SYT13: variants seen among roughly 807,000 people sequenced by gnomAD.
SYT13 encodes synaptotagmin-13.
SYT13 carries 21 observed loss-of-function variants against 38.6 expected under a neutral mutation model. That is an observed-to-expected ratio of 0.54 (90% CI 0.39 to 0.78). SYT13 has a LOEUF of 0.78. Among genes scored for constraint, SYT13 ranks in the 30% least tolerant of loss-of-function variants. The pLI, the probability that SYT13 is intolerant of heterozygous loss-of-function variation, is 0.00. For missense variants in SYT13, 495 were observed against 548.7 expected (o/e 0.90, Z 0.98); for synonymous variants, 241 against 237.6 (o/e 1.01, Z -0.13).
intron 1 of SYT13, among the ~76,000 whole-genome samples, chr11:45,278,664 A>G (rs1253900023): frequency 6.6e-6 from 1 of 152,200 alleles, no homozygotes; most frequent in African/African-American, 2.4e-5. Context: ...CATCAATTCC[A>G]TGAAGAGAAG....
At position 45,269,316 on chromosome 11, in the gene SYT13, T is replaced by C. The variant is rs943490474; in HGVS notation, c.184-13425A>G. 23 of 614,148 alleles carry C rather than the reference T, an allele frequency of 3.7e-5. No individual in the cohort carries two copies. The African/African-American group carries it at 4.7e-4, about 13-fold the overall frequency. 38.0% of individuals were successfully genotyped at this position (614,148 alleles called of 1,614,324 possible). ...TGGCGGAAACTAAATTTTAAAACAA[T>C]TATTAAAAAAACAAACAAAAAAACA... On this transcript the variant is annotated intron_variant, in intron 1 of 5. Transcript: ENST00000020926.
chr11:45,282,395 G>A (rs1855085031), intron 1 of SYT13, among the ~76,000 whole-genome samples: 1 of 152,216 alleles, frequency 6.6e-6, no homozygotes, highest in Admixed American at 6.5e-5. Context: ...ACAGCTGGAA[G>A]CATGAGAGGT....
rs556474039 is a variant in SYT13, at chr11:45,255,804, C to A, written c.271G>T (p.Ala91Ser). Residue 91 changes from alanine (A) to serine (S), a missense_variant, in exon 2 of 6, where the codon GCT becomes TCT. By Grantham distance (99) the Ala-to-Ser change is moderately conservative (BLOSUM62 1). Transcript: ENST00000020926. ...DIYGPRPAVT[A>S]PEVINYADYS... Reference sequence around the variant, plus strand: ...TCTGCATAGTTGATGACCTCTGGAGCCGTCACAGCTGGCCTGGGTCCATAG... The same window carrying A: ...TCTGCATAGTTGATGACCTCTGGAGACGTCACAGCTGGCCTGGGTCCATAG... The A allele has an allele frequency of 6.2e-7, 1 of 1,614,190 alleles. No individual in the cohort carries two copies. Among genetic ancestry groups the A allele is most frequent in the Admixed American group, 1.7e-5 (1 of 60,020 alleles).
chr11:45,265,463 A>T (rs965492845), intron 1 of SYT13, among the ~76,000 whole-genome samples: 25 of 152,332 alleles, frequency 1.6e-4, no homozygotes, highest in Non-Finnish European at 3.4e-4. Flanking sequence ...CAGTTTGGAT[A>T]GCTATAAAAC....
At chr11:45,249,759 C>T (rs926310338) in intron 4 of SYT13, among the ~76,000 whole-genome samples, 3 of 151,950 alleles carry the variant, frequency 2.0e-5, no homozygotes, top group Non-Finnish European at 4.4e-5. Flanking sequence ...GGGGTGGGGG[C>T]CTGGGGGAGG....
chr11:45,278,353 T>C (rs1035709934), intron 1 of SYT13, among the ~76,000 whole-genome samples: 9 of 152,178 alleles, frequency 5.9e-5, no homozygotes, highest in African/African-American at 2.2e-4. Flanking sequence ...AAAGGGACTG[T>C]CTCCACATAT....
Position 45,254,349 on chromosome 11 carries a change from A to G in SYT13, c.465T>C (p.Ser155=), listed in dbSNP as rs368557710. The change falls in exon 3 of 6, where the codon AGT becomes AGC. Residue 155 remains serine (S), a synonymous_variant. Transcript: ENST00000020926. The part of the protein sequence containing the change: ...METWNPEKAA[S]WNQAPKLHYC... Reference sequence around the variant, plus strand: ...AGTGGAGTTTGGGGGCCTGGTTCCAACTGGCAGCCTTCTCTGGGTTCCAGG... The same window carrying G: ...AGTGGAGTTTGGGGGCCTGGTTCCAGCTGGCAGCCTTCTCTGGGTTCCAGG... The G allele has an allele frequency of 3.7e-6, 6 of 1,613,644 alleles. No homozygotes were observed. The African/African-American group carries it at 6.7e-5, about 18-fold the overall frequency.
chr11:45,252,777 G>GGCA lies in SYT13; in HGVS notation c.545-58_545-56dup. The GGCA allele has an allele frequency of 6.6e-7, 1 of 1,510,620 alleles. No homozygotes were observed. The highest frequency in any genetic ancestry group is 2.3e-5 in the East Asian group (1 of 43,618). The allele number at this position is 1,510,620 out of a possible 1,614,324, so 93.6% of individuals were successfully genotyped here. A position where few individuals can be genotyped will look rare whatever the true frequency, so the allele number is the denominator to read the frequency against. ...GGACTTTCTGAGGACAAGTGGAGGG[G>GGCA]GCAGAAGCACGCCTTGCTTAGGGCT... On this transcript the variant is annotated intron_variant, in intron 3 of 5. Coordinates refer to ENST00000020926, the MANE Select transcript of SYT13 (RefSeq NM_020826.3). This position sits in a 1 kb window ranked among gnomAD's most constrained non-coding sequence, Gnocchi z 4.3.
At chr11:45,282,390 T>C (rs112878238) in intron 1 of SYT13, among the ~76,000 whole-genome samples, 10 of 152,154 alleles carry the variant, frequency 6.6e-5, no homozygotes, top group Non-Finnish European at 7.4e-5. Flanking sequence ...TGAAAACAGC[T>C]GGAAGCATGA....
intron 1 of SYT13, among the ~76,000 whole-genome samples, chr11:45,265,047 G>A (rs1448841982): frequency 1.3e-5 from 2 of 152,240 alleles, no homozygotes; most frequent in Non-Finnish European, 2.9e-5. Flanking sequence ...CATGGCTACT[G>A]AGAGCAACGT....
At chr11:45,246,571 T>A in intron 4 of SYT13, 59 bp from the exon 5 acceptor site, 1 of 1,583,736 alleles carries the variant, frequency 6.3e-7, no homozygotes, top group Non-Finnish European at 8.6e-7. Flanking sequence ...TTCCAACCCA[T>A]CAACAAATGC....
intron 1 of SYT13, among the ~76,000 whole-genome samples, chr11:45,280,811 C>T (rs1855062141): frequency 6.6e-6 from 1 of 152,238 alleles, no homozygotes; most frequent in Admixed American, 6.5e-5. Context: ...ATGTGCTCAG[C>T]ACCATACCAG....
intron 4 of SYT13, among the ~76,000 whole-genome samples, chr11:45,248,551 A>G (rs1854639065): frequency 6.6e-6 from 1 of 152,196 alleles, no homozygotes; most frequent in Non-Finnish European, 1.5e-5. Context: ...TCCTGAATCC[A>G]TGGCTCTCCA....
chr11:45,247,471 C>T (rs1854626849), intron 4 of SYT13, among the ~76,000 whole-genome samples: 1 of 152,160 alleles, frequency 6.6e-6, no homozygotes. Context: ...GGAAGCTTGT[C>T]CCTCCAGATG....
intron 1 of SYT13, among the ~76,000 whole-genome samples, chr11:45,270,428 T>G (rs967648004): frequency 1.3e-5 from 2 of 152,242 alleles, no homozygotes; most frequent in African/African-American, 4.8e-5. Context: ...TAGGGTGTTC[T>G]TTCAGAGAAG....
At chr11:45,259,540 A>C (rs1854790871) in intron 1 of SYT13, among the ~76,000 whole-genome samples, 1 of 152,112 alleles carries the variant, frequency 6.6e-6, no homozygotes, top group African/African-American at 2.4e-5. Flanking sequence ...ACCAGAGCTT[A>C]AAATGCACCC....
intron 3 of SYT13, among the ~76,000 whole-genome samples, chr11:45,253,712 T>C (rs1053965085): frequency 3.9e-5 from 6 of 152,182 alleles, no homozygotes; most frequent in African/African-American, 7.2e-5. Flanking sequence ...ACATGCTGTG[T>C]GTCCAGCACA....
intron 1 of SYT13, among the ~76,000 whole-genome samples, chr11:45,278,720 T>C (rs988079094): frequency 1.3e-5 from 2 of 151,876 alleles, no homozygotes; most frequent in African/African-American, 4.9e-5. Context: ...AAGAAGGAAC[T>C]AGGGGAGGAA....
At chr11:45,257,762 A>G (rs1854766497) in intron 1 of SYT13, among the ~76,000 whole-genome samples, 1 of 152,190 alleles carries the variant, frequency 6.6e-6, no homozygotes, top group African/African-American at 2.4e-5. Context: ...AGTTTCATCC[A>G]TTGGACAAAC....
Sources: allele counts gnomAD v4.1 joint callset (sites outside exome capture counted in the v4.1 genomes callset), GRCh38; gene constraint gnomAD v4.1.1; non-coding constraint Gnocchi (gnomAD v3.1); transcripts MANE v1.5; gene names NCBI Gene and HGNC (gene_info 2026-07-23, HGNC 2026-07-21).